SGCD: variants seen among roughly 807,000 people sequenced by gnomAD.
SGCD encodes the protein sarcoglycan delta.
SGCD carries 18 observed loss-of-function variants against 36.6 expected under a neutral mutation model. The ratio of observed to expected loss-of-function variants is 0.49; its 90% confidence interval spans 0.34 to 0.73. The LOEUF is 0.73. Among genes scored for constraint, SGCD ranks in the 30% least tolerant of loss-of-function variants. SGCD has a pLI of 0.01. For missense variants in SGCD, 387 were observed against 346.7 expected, an observed-to-expected ratio of 1.12 and a Z score of -0.92; for synonymous variants, 133 against 130.6, an observed-to-expected ratio of 1.02 and a Z score of -0.12.
At chr5:156,180,293 C>T (rs536452142) in intron 3 of SGCD, among the ~76,000 whole-genome samples, 5 of 152,196 alleles carry the variant, frequency 3.3e-5, no homozygotes, top group African/African-American at 1.2e-4. Context: ...AGCTTTTACT[C>T]TAAGATAGGG....
chr5:156,304,091 A>G (rs938521481), intron 3 of SGCD, among the ~76,000 whole-genome samples: 1 of 152,132 alleles, frequency 6.6e-6, no homozygotes, highest in African/African-American at 2.4e-5. Flanking sequence ...ACTTTGGACC[A>G]CAGAGCACTT....
intron 3 of SGCD, among the ~76,000 whole-genome samples, chr5:156,238,855 A>G (rs1277356908): frequency 6.6e-6 from 1 of 152,092 alleles, no homozygotes; most frequent in African/African-American, 2.4e-5. Context: ...ATATTTGAGG[A>G]TGCCTTTTTA....
At chr5:156,498,363 A>G (rs1756295557) in intron 3 of SGCD, among the ~76,000 whole-genome samples, 1 of 150,942 alleles carries the variant, frequency 6.6e-6, no homozygotes, top group African/African-American at 2.4e-5. Context: ...ATTTGCTTTT[A>G]TGCAGCTACC....
intron 1 of SGCD, among the ~76,000 whole-genome samples, chr5:156,074,568 T>C (rs1760711863): frequency 6.6e-6 from 1 of 152,022 alleles, no homozygotes; most frequent in Non-Finnish European, 1.5e-5. Context: ...TAGTCCGAGC[T>C]ACTTGGGAGG....
At chr5:156,042,163 A>G (rs909956857) in intron 1 of SGCD, among the ~76,000 whole-genome samples, 1 of 151,124 alleles carries the variant, frequency 6.6e-6, no homozygotes, top group Non-Finnish European at 1.5e-5. Context: ...CTGAATTTTG[A>G]ATTTATAAGT....
intron 1 of SGCD, among the ~76,000 whole-genome samples, chr5:155,902,399 C>T (rs1034943144): frequency 1.3e-5 from 2 of 152,124 alleles, no homozygotes; most frequent in African/African-American, 4.8e-5. Context: ...TTTATCCATA[C>T]TTTAAATAAT....
At chr5:156,191,271 A>G (rs1763885797) in intron 3 of SGCD, among the ~76,000 whole-genome samples, 1 of 152,178 alleles carries the variant, frequency 6.6e-6, no homozygotes, top group Non-Finnish European at 1.5e-5. Flanking sequence ...TCTTGAAGAC[A>G]TCAAAGTATA....
intron 3 of SGCD, among the ~76,000 whole-genome samples, chr5:156,279,525 TAGAC>T (rs1276752408): frequency 6.6e-6 from 1 of 152,146 alleles, no homozygotes; most frequent in Non-Finnish European, 1.5e-5. Context: ...AGTACATGAA[TAGAC>T]AGTTCAAAAA....
At chr5:156,008,966 A>C (rs143644244) in intron 1 of SGCD, among the ~76,000 whole-genome samples, 1 of 152,248 alleles carries the variant, frequency 6.6e-6, no homozygotes, top group African/African-American at 2.4e-5. Flanking sequence ...TCATACCTTG[A>C]CTATGTTTGG....
At chr5:156,486,851 T>G (rs1373087696) in intron 3 of SGCD, among the ~76,000 whole-genome samples, 1 of 152,046 alleles carries the variant, frequency 6.6e-6, no homozygotes, top group Admixed American at 6.5e-5. Context: ...TGGGAACTGG[T>G]CCACTCAGCC....
chr5:155,871,598 G>A (rs1351302501), intron 1 of SGCD, among the ~76,000 whole-genome samples: 1 of 152,168 alleles, frequency 6.6e-6, no homozygotes, highest in African/African-American at 2.4e-5. Context: ...CTGCAACAGG[G>A]AAGGTAAAAA....
chr5:155,789,150 G>A, the SGCD span, among the ~76,000 whole-genome samples: 6 of 152,146 alleles, frequency 3.9e-5, no homozygotes, highest in Admixed American at 3.3e-4. Flanking sequence ...GGAGTTATGA[G>A]TTCTGGTCTC....
At chr5:156,346,382 A>G (rs1189438364) in intron 3 of SGCD, among the ~76,000 whole-genome samples, 1 of 152,128 alleles carries the variant, frequency 6.6e-6, no homozygotes, top group Non-Finnish European at 1.5e-5. Context: ...CACTGCAGCC[A>G]TGGACTCCTG....
At chr5:155,832,331 C>T in the SGCD span, among the ~76,000 whole-genome samples, 1 of 152,158 alleles carries the variant, frequency 6.6e-6, no homozygotes, top group African/African-American at 2.4e-5. Context: ...TCTTTCTGTT[C>T]TCCATATGGT....
the SGCD span, among the ~76,000 whole-genome samples, chr5:155,831,733 A>G: frequency 1.3e-5 from 2 of 152,162 alleles, no homozygotes; most frequent in Non-Finnish European, 2.9e-5. Context: ...ATCGGGTCTG[A>G]TCAGTAGAAT....
At chr5:156,250,257 G>A (rs771804040) in intron 3 of SGCD, among the ~76,000 whole-genome samples, 4 of 152,282 alleles carry the variant, frequency 2.6e-5, no homozygotes, top group South Asian at 4.1e-4. Context: ...CAAAGATAGC[G>A]AGGTACCTTT....
At chr5:155,988,443 T>G (rs1758374630) in intron 1 of SGCD, among the ~76,000 whole-genome samples, 1 of 152,152 alleles carries the variant, frequency 6.6e-6, no homozygotes, top group African/African-American at 2.4e-5. Context: ...TATCTGTCAC[T>G]TGAGCCTAGG....
At position 156,561,862 on chromosome 5, in the gene SGCD, C is replaced by G. The variant is rs143574157; in HGVS notation, c.295-27369C>G. On this transcript the variant is annotated intron_variant, in intron 4 of 8. Coordinates refer to ENST00000337851, the MANE Select transcript of SGCD (RefSeq NM_000337.6). ...CACATTCATGATCTTGGATAAATTA[C>G]TTTACTATTTCATTAAGTTTAAGCT... Among the ~76,000 whole-genome samples, 63 of 152,208 alleles carry G rather than the reference C, an allele frequency of 4.1e-4. 4 individuals carry two copies. Among genetic ancestry groups the G allele is most frequent in the East Asian group, 3.9e-3 (20 of 5,188 alleles).
intron 4 of SGCD, among the ~76,000 whole-genome samples, chr5:156,538,444 C>T (rs1268226768): frequency 6.6e-6 from 1 of 152,048 alleles, no homozygotes; most frequent in Admixed American, 6.6e-5. Flanking sequence ...ACTAGAGATA[C>T]AGCCTGTAAG....
Sources: gnomAD v4.1 joint callset for allele counts (sites outside exome capture counted in the v4.1 genomes callset) on GRCh38, gnomAD v4.1.1 for gene constraint, MANE v1.5 for transcripts, NCBI Gene and HGNC (gene_info 2026-07-23, HGNC 2026-07-21) for gene names.